Variants in ZFR observed in about 807,000 individuals in gnomAD.
ZFR encodes zinc finger RNA-binding protein.
A neutral mutation model predicts 130.7 loss-of-function variants in ZFR; 19 were observed. That is an observed-to-expected ratio of 0.15 (90% CI 0.10 to 0.21). The LOEUF is 0.21. ZFR is among the 10% of genes least tolerant of loss of function. The probability of loss-of-function intolerance (pLI) is 1.00; values close to 1 mark genes in which losing one functional copy is unlikely to be tolerated. For missense variants in ZFR, 872 were observed against 1,321.5 expected (o/e 0.66, Z 5.27); for synonymous variants, 466 against 456.9 (o/e 1.02, Z -0.25).
chr5:32,400,213 T>C lies in ZFR; in HGVS notation c.1517-10A>G, dbSNP rs1753418336. The C allele has an allele frequency of 1.3e-6, 2 of 1,552,546 alleles. No individual in the cohort carries two copies. Among genetic ancestry groups the C allele is most frequent in the Non-Finnish European group, 1.7e-6 (2 of 1,154,988 alleles). On this transcript the variant is annotated splice_polypyrimidine_tract_variant and intron_variant, in intron 8 of 19. Transcript: ENST00000265069. Reference sequence around the variant, plus strand: ...TGCAGCTTATTACCACCTAGAAAAGTATCAAAAAGTTAAAAAAAATTTTAT... The same window carrying C: ...TGCAGCTTATTACCACCTAGAAAAGCATCAAAAAGTTAAAAAAAATTTTAT...
At chr5:32,377,984 C>T (rs1752862363) in intron 17 of ZFR, among the ~76,000 whole-genome samples, 1 of 152,230 alleles carries the variant, frequency 6.6e-6, no homozygotes, top group Admixed American at 6.5e-5. Flanking sequence ...AGCCACTGTG[C>T]TTGGCGAATA....
At chr5:32,418,900 A>T (rs892239595) in intron 3 of ZFR, among the ~76,000 whole-genome samples, 1 of 152,232 alleles carries the variant, frequency 6.6e-6, no homozygotes, top group Non-Finnish European at 1.5e-5. Flanking sequence ...GTAATCTAGC[A>T]CTGTTTTCAA....
Position 32,438,253 on chromosome 5 carries a change from AT to A in ZFR, c.137+5975del, listed in dbSNP as rs869249272. Among the ~76,000 whole-genome samples, 3 of 61,078 alleles carry A rather than the reference AT, an allele frequency of 4.9e-5. No homozygotes were observed. The East Asian group carries it at 1.5e-3, about 30-fold the overall frequency. 40.1% of individuals were successfully genotyped at this position (61,078 alleles called of 152,430 possible). A position where few individuals can be genotyped will look rare whatever the true frequency, so the allele number is the denominator to read the frequency against. ...AGAATGCTACTGATTTTATCTGAAA[AT>A]TTTTTTTTTTTTTTTTTTTTTTTTT... is the stretch of plus-strand genomic sequence containing the variant. On this transcript the variant is annotated intron_variant, in intron 2 of 19. Transcript: ENST00000265069.
intron 2 of ZFR, among the ~76,000 whole-genome samples, chr5:32,433,135 G>C (rs1235554243): frequency 1.3e-5 from 2 of 152,126 alleles, no homozygotes; most frequent in South Asian, 4.1e-4. Context: ...GTTAAATGTC[G>C]TATGAAAATT....
chr5:32,383,458 A>G (rs2111718026), intron 15 of ZFR, among the ~76,000 whole-genome samples: 1 of 152,340 alleles, frequency 6.6e-6, no homozygotes. Context: ...CTTAAAGTCA[A>G]TTAAATGTTT....
At chr5:32,402,848 C>T (rs1753490047) in intron 8 of ZFR, among the ~76,000 whole-genome samples, 1 of 150,394 alleles carries the variant, frequency 6.6e-6, no homozygotes, top group South Asian at 2.1e-4. Flanking sequence ...GGAAAAGGGT[C>T]TTTGTGTGTG....
intron 17 of ZFR, among the ~76,000 whole-genome samples, chr5:32,374,724 C>CAAG: frequency 6.7e-6 from 1 of 149,830 alleles, no homozygotes; most frequent in South Asian, 2.1e-4. Context: ...AACAAACAAG[C>CAAG]AAAAAAAAAT....
chr5:32,422,578 C>T (rs1219011267), intron 2 of ZFR, among the ~76,000 whole-genome samples: 1 of 151,586 alleles, frequency 6.6e-6, no homozygotes. Flanking sequence ...AGCAGGACTG[C>T]TTGAAGTCAG....
rs1198435711 is a variant in ZFR, at chr5:32,444,676, G to C, written c.-18C>G. 4 of 1,508,306 alleles carry C rather than the reference G, an allele frequency of 2.7e-6. No homozygotes were observed. Among genetic ancestry groups the C allele is most frequent in the African/African-American group, 1.4e-5 (1 of 69,200 alleles). The allele number at this position is 1,508,306 out of a possible 1,614,324, so 93.4% of individuals were successfully genotyped here. On this transcript the variant is annotated 5_prime_UTR_variant, in exon 1 of 20. Coordinates refer to ENST00000265069, the MANE Select transcript of ZFR (RefSeq NM_016107.5). ...GGAATCATGGGCTCGGGCTGCTGCT[G>C]CTGAACTCTGAACTCTCACCCGCTG...
chr5:32,368,489 G>A (rs1465156707), intron 17 of ZFR, among the ~76,000 whole-genome samples: 1 of 152,180 alleles, frequency 6.6e-6, no homozygotes. Flanking sequence ...GCCCATCTCA[G>A]CCTCCCAAAG....
chr5:32,407,518 C>T (rs1304134960), intron 5 of ZFR, among the ~76,000 whole-genome samples: 1 of 151,708 alleles, frequency 6.6e-6, no homozygotes, highest in East Asian at 1.9e-4. Flanking sequence ...AAATGTGACA[C>T]TAAAATCTGG....
Position 32,354,674 on chromosome 5 carries a change from A to C in ZFR, c.*1086T>G, listed in dbSNP as rs931628903. Reference sequence around the variant, plus strand: ...GTAATACTTTATCAACCTCACTGTTAACAGAACTGTAAATTATCTGGGTGA... The same window carrying C: ...GTAATACTTTATCAACCTCACTGTTCACAGAACTGTAAATTATCTGGGTGA... On this transcript the variant is annotated 3_prime_UTR_variant, in exon 20 of 20. Coordinates refer to ENST00000265069, the MANE Select transcript of ZFR (RefSeq NM_016107.5). 6.6e-6 allele frequency: 1 copy of C among 152,612 alleles called. No individual in the cohort carries two copies. The highest frequency in any genetic ancestry group is 2.4e-5 in the African/African-American group (1 of 41,456). The allele number at this position is 152,612 out of a possible 1,614,324, so 9.5% of individuals were successfully genotyped here. A position where few individuals can be genotyped will look rare whatever the true frequency, so the allele number is the denominator to read the frequency against.
At position 32,431,993 on chromosome 5, in the gene ZFR, A is replaced by G. The variant is rs565227952; in HGVS notation, c.138-11890T>C. 1.2e-4 allele frequency among the ~76,000 whole-genome samples: 16 copies of G among 137,596 alleles called. No homozygotes were observed. In the East Asian group the frequency reaches 3.2e-3, roughly 27 times the overall value. The allele number at this position is 137,596 out of a possible 152,430, so 90.3% of individuals were successfully genotyped here. The stretch of plus-strand genomic sequence containing the variant: ...CGCATGTGTGCCAGCATGCCCAGCT[A>G]TTTTTTTTTTTTTTTGGACACAGGG... On this transcript the variant is annotated intron_variant, in intron 2 of 19. Transcript: ENST00000265069.
intron 2 of ZFR, among the ~76,000 whole-genome samples, chr5:32,420,368 T>C (rs887797156): frequency 3.3e-5 from 5 of 152,048 alleles, no homozygotes; most frequent in African/African-American, 9.7e-5. Flanking sequence ...AGATCATAGA[T>C]TGTATCACAT....
rs188426556 is a variant in ZFR at position 32,388,725 on chromosome 5, G to A, written c.2143-51C>T. ...TTAAAAAAAAGTTTCCTGAGCAAAA[G>A]CAAATTATATTTTTCAACTATACAT... On this transcript the variant is annotated intron_variant, in intron 12 of 19. Coordinates refer to ENST00000265069, the MANE Select transcript of ZFR (RefSeq NM_016107.5). 3.6e-4 allele frequency: 527 copies of A among 1,462,468 alleles called. 2 individuals are homozygous for A. In the African/African-American group the frequency reaches 4.6e-3, roughly 13 times the overall value. The allele number at this position is 1,462,468 out of a possible 1,614,324, so 90.6% of individuals were successfully genotyped here.
chr5:32,380,941 C>T (rs915418358), intron 15 of ZFR, among the ~76,000 whole-genome samples: 3 of 151,084 alleles, frequency 2.0e-5, no homozygotes. Context: ...TGAGCCACTG[C>T]GCCCGGCCCA....
chr5:32,356,150 C>T (rs1024604010), intron 19 of ZFR, among the ~76,000 whole-genome samples: 3 of 151,108 alleles, frequency 2.0e-5, no homozygotes, highest in Admixed American at 6.6e-5. Flanking sequence ...TTATCTTAAA[C>T]ATTAAGTAAA....
chr5:32,438,660 CT>C (rs1188886117), intron 2 of ZFR, among the ~76,000 whole-genome samples: 3 of 152,146 alleles, frequency 2.0e-5, no homozygotes, highest in African/African-American at 4.8e-5. Flanking sequence ...TAAATAGAAA[CT>C]TTCCTTCTTT....
intron 15 of ZFR, among the ~76,000 whole-genome samples, chr5:32,384,250 AC>A (rs33953817): frequency 0.21 from 32,051 of 152,038 alleles, 4,005 homozygotes; most frequent in African/African-American, 0.35. Flanking sequence ...GACCAGATTG[AC>A]TCAGGAACTG....
Sources: gnomAD v4.1 joint callset for allele counts (sites outside exome capture counted in the v4.1 genomes callset) on GRCh38, gnomAD v4.1.1 for gene constraint, MANE v1.5 for transcripts, NCBI Gene and HGNC (gene_info 2026-07-23, HGNC 2026-07-21) for gene names.